PRKAG2: variants seen among roughly 807,000 people sequenced by gnomAD.
The protein encoded by PRKAG2 is protein kinase AMP-activated non-catalytic subunit gamma 2, also known as 5'-AMP-activated protein kinase subunit gamma-2.
PRKAG2 carries 26 observed loss-of-function variants against 69.6 expected under a neutral mutation model. The observed-to-expected ratio is 0.37, with a 90% CI of 0.27 to 0.52. The LOEUF is 0.52. Ranked by LOEUF, PRKAG2 falls within the 20% of genes least tolerant of loss-of-function variation. PRKAG2 has a pLI of 0.90. For synonymous variants in PRKAG2, 293 were observed against 285.0 expected, an observed-to-expected ratio of 1.03 and a Z score of -0.28; for missense variants, 557 against 740.0, an observed-to-expected ratio of 0.75 and a Z score of 2.87.
At chr7:151,565,109 G>A (rs542618894) in intron 13 of PRKAG2, among the ~76,000 whole-genome samples, 1 of 152,228 alleles carries the variant, frequency 6.6e-6, no homozygotes, top group African/African-American at 2.4e-5. Context: ...CATAAAATAT[G>A]CATGTATTGT....
intron 3 of PRKAG2, among the ~76,000 whole-genome samples, chr7:151,709,781 G>C (rs1377069274): frequency 1.3e-5 from 2 of 152,156 alleles, no homozygotes; most frequent in Admixed American, 1.3e-4. Flanking sequence ...ACTGTGACAC[G>C]GAGTGATGTG....
chr7:151,727,325 G>A (rs1216714437), intron 3 of PRKAG2, among the ~76,000 whole-genome samples: 1 of 152,202 alleles, frequency 6.6e-6, no homozygotes, highest in Non-Finnish European at 1.5e-5. Flanking sequence ...GAGGAGGCAG[G>A]GCCCTACGCC....
Position 151,702,494 on chromosome 7 carries a change from G to A in PRKAG2, c.467-26857C>T, listed in dbSNP as rs553501987. Among the ~76,000 whole-genome samples the A allele has an allele frequency of 2.2e-4, 34 of 152,310 alleles. No homozygotes were observed. The South Asian group carries it at 2.5e-3, about 11-fold the overall frequency. ...GGAGCCCCCACGGCAGTCTTGCCAG[G>A]TCCCTGCCCACCCGCTTGCCTTCCT... On this transcript the variant is annotated intron_variant, in intron 3 of 15. Transcript: ENST00000287878.
chr7:151,676,238 T>TGAGGAG (rs1832922121), intron 3 of PRKAG2, among the ~76,000 whole-genome samples: 1 of 40,350 alleles, frequency 2.5e-5, no homozygotes, highest in Non-Finnish European at 4.6e-5. Context: ...ACCATGTATC[T>TGAGGAG]GAGGAGGGGG....
At chr7:151,795,890 T>TATAAAAAA (rs1491286413) in intron 1 of PRKAG2, among the ~76,000 whole-genome samples, 42 of 96,586 alleles carry the variant, frequency 4.3e-4, no homozygotes, top group African/African-American at 1.8e-3. Context: ...TATATATATA[T>TATAAAAAA]CACGATAATA....
chr7:151,617,477 C>T (rs1055294372), intron 5 of PRKAG2, among the ~76,000 whole-genome samples: 2 of 152,126 alleles, frequency 1.3e-5, no homozygotes. Flanking sequence ...TGCATTGAAC[C>T]ATTCTCTCTA....
chr7:151,699,075 T>C lies in PRKAG2; in HGVS notation c.467-23438A>G, dbSNP rs1837217865. Reference sequence around the variant, plus strand: ...GGGTACAGGAAATGACCTGCAAGTCTGCAGAGCCAGTCTGCAAACTCTGGG... The same window carrying C: ...GGGTACAGGAAATGACCTGCAAGTCCGCAGAGCCAGTCTGCAAACTCTGGG... On this transcript the variant is annotated intron_variant, in intron 3 of 15. Transcript: ENST00000287878. The surrounding 1 kb of genome is among the most constrained non-coding windows in gnomAD (Gnocchi z 4.5). Among the ~76,000 whole-genome samples, 1 of 152,226 alleles carries C rather than the reference T, an allele frequency of 6.6e-6. No individual in the cohort carries two copies. Among genetic ancestry groups the C allele is most frequent in the African/African-American group, 2.4e-5 (1 of 41,446 alleles).
chr7:151,782,367 G>GGGAA (rs2076748312), intron 2 of PRKAG2, among the ~76,000 whole-genome samples: 1 of 26,092 alleles, frequency 3.8e-5, no homozygotes, highest in African/African-American at 9.9e-5. Flanking sequence ...GAGGGAGGGA[G>GGGAA]GGAGGGAAGG....
intron 4 of PRKAG2, among the ~76,000 whole-genome samples, chr7:151,636,379 G>T (rs752826406): frequency 5.5e-4 from 84 of 152,292 alleles, no homozygotes; most frequent in Non-Finnish European, 1.0e-3. Context: ...ATTTGCCGAT[G>T]CTGGGTATTT....
At chr7:151,745,811 G>A (rs11771445) in intron 3 of PRKAG2, among the ~76,000 whole-genome samples, 76,167 of 152,040 alleles carry the variant, frequency 0.5, 19,473 homozygotes, top group East Asian at 0.66. Flanking sequence ...AAGGGGCATC[G>A]CATTCCCCCA....
At chr7:151,649,202 T>C (rs1828060160) in intron 4 of PRKAG2, among the ~76,000 whole-genome samples, 1 of 152,136 alleles carries the variant, frequency 6.6e-6, no homozygotes, top group African/African-American at 2.4e-5. Context: ...CTTGGCTCAC[T>C]GCAACCTCCA....
At chr7:151,726,980 C>T (rs1264196733) in intron 3 of PRKAG2, among the ~76,000 whole-genome samples, 2 of 152,076 alleles carry the variant, frequency 1.3e-5, no homozygotes, top group Non-Finnish European at 2.9e-5. Context: ...CTTTGGGAGG[C>T]CAAGGCGGGC....
chr7:151,594,171 G>C (rs912863110), intron 6 of PRKAG2, among the ~76,000 whole-genome samples: 6 of 152,212 alleles, frequency 3.9e-5, no homozygotes, highest in African/African-American at 1.4e-4. Context: ...CTCAGGCTGA[G>C]GCAGCCCTTC....
chr7:151,757,898 T>C (rs1380123314), intron 3 of PRKAG2, among the ~76,000 whole-genome samples: 1 of 152,262 alleles, frequency 6.6e-6, no homozygotes, highest in Non-Finnish European at 1.5e-5. Flanking sequence ...TTGTATGTGC[T>C]GGATTATGCC....
rs1442104293 is a variant in PRKAG2, at chr7:151,632,623, C to A, written c.685-485G>T. Reference sequence around the variant, plus strand: ...CAGGCTCCACCTGCGCAGGTGTGGGCTCCGCGGCGCGGGGAGGGGGAGAGG... The same window carrying A: ...CAGGCTCCACCTGCGCAGGTGTGGGATCCGCGGCGCGGGGAGGGGGAGAGG... On this transcript the variant is annotated intron_variant, in intron 4 of 15. Transcript: ENST00000287878. This position sits in a 1 kb window ranked among gnomAD's most constrained non-coding sequence, Gnocchi z 4.2. The A allele has an allele frequency of 1.0e-6, 1 of 984,364 alleles. No homozygotes were observed. Among genetic ancestry groups the A allele is most frequent in the Admixed American group, 6.2e-5 (1 of 16,244 alleles). 61.0% of individuals were successfully genotyped at this position (984,364 alleles called of 1,614,324 possible). A position where few individuals can be genotyped will look rare whatever the true frequency, so the allele number is the denominator to read the frequency against.
intron 3 of PRKAG2, among the ~76,000 whole-genome samples, chr7:151,748,726 C>T (rs988902601): frequency 4.0e-4 from 61 of 152,124 alleles, no homozygotes; most frequent in African/African-American, 1.3e-3. Context: ...AGACAAAAAT[C>T]AGCAAGGTAC....
At chr7:151,726,035 A>G (rs1218997976) in intron 3 of PRKAG2, among the ~76,000 whole-genome samples, 2 of 152,106 alleles carry the variant, frequency 1.3e-5, no homozygotes, top group African/African-American at 2.4e-5. Flanking sequence ...AATAAATCCC[A>G]AGGCTGAGCC....
At chr7:151,621,150 G>A (rs1474775510) in intron 5 of PRKAG2, among the ~76,000 whole-genome samples, 1 of 152,214 alleles carries the variant, frequency 6.6e-6, no homozygotes, top group Non-Finnish European at 1.5e-5. Flanking sequence ...ATGTAAGACT[G>A]ATCGCTTGTT....
chr7:151,728,190 A>C lies in PRKAG2; in HGVS notation c.467-52553T>G, dbSNP rs1176202018. On this transcript the variant is annotated intron_variant, in intron 3 of 15. Transcript: ENST00000287878. Reference sequence around the variant, plus strand: ...GCAGTCCCCAGGGCCCCAAGAACACACAGCAGCACCAGAGACTGCCTTGGC... The same window carrying C: ...GCAGTCCCCAGGGCCCCAAGAACACCCAGCAGCACCAGAGACTGCCTTGGC... Among the ~76,000 whole-genome samples, 3 of 152,182 alleles carry C rather than the reference A, an allele frequency of 2.0e-5. No homozygotes were observed. In the East Asian group the frequency reaches 5.8e-4, roughly 29 times the overall value.
Sources: allele counts gnomAD v4.1 joint callset (sites outside exome capture counted in the v4.1 genomes callset), GRCh38; gene constraint gnomAD v4.1.1; non-coding constraint Gnocchi (gnomAD v3.1); transcripts MANE v1.5; gene names NCBI Gene and HGNC (gene_info 2026-07-23, HGNC 2026-07-21).